CCDC30: variants seen among roughly 807,000 people sequenced by gnomAD.
CCDC30 encodes coiled-coil domain containing 30.
A neutral mutation model predicts 100.2 loss-of-function variants in CCDC30; 70 were observed. The ratio of observed to expected loss-of-function variants is 0.70; its 90% CI spans 0.58 to 0.85. The LOEUF is 0.85. Ranked by LOEUF, CCDC30 falls within the 40% of genes least tolerant of loss-of-function variation. The probability of loss-of-function intolerance (pLI) is 0.00; values close to 1 mark genes in which losing one functional copy is unlikely to be tolerated. For synonymous variants in CCDC30, 233 were observed against 269.5 expected, an observed-to-expected ratio of 0.86 and a Z score of 1.33; for missense variants, 652 against 771.2, an observed-to-expected ratio of 0.85 and a Z score of 1.83.
At chr1:42,487,583 C>CA (rs1268384588) in intron 3 of CCDC30, among the ~76,000 whole-genome samples, 4 of 152,054 alleles carry the variant, frequency 2.6e-5, no homozygotes, top group Non-Finnish European at 5.9e-5. Flanking sequence ...CATTTCCTGG[C>CA]AAAAGAGATT....
At chr1:42,460,009 T>G, upstream of CCDC30, 1 of 1,484,432 alleles carries the variant, frequency 6.7e-7, no homozygotes, top group South Asian at 1.4e-5. Flanking sequence ...GGCTTTCATA[T>G]GGACAGATAA....
chr1:42,622,611 C>A (rs372189100), intron 11 of CCDC30, among the ~76,000 whole-genome samples: 1 of 151,754 alleles, frequency 6.6e-6, no homozygotes. Flanking sequence ...GGATTACAGG[C>A]GTACTTATGC....
chr1:42,644,844 G>T (rs1486264896), intron 14 of CCDC30, 37 bp downstream of exon 18: 1 of 1,329,402 alleles, frequency 7.5e-7, no homozygotes, highest in Non-Finnish European at 1.1e-6. Context: ...TGCCTTTAAT[G>T]TGAAGTTCGG....
At chr1:42,488,162 A>T (rs377764508) in intron 3 of CCDC30, among the ~76,000 whole-genome samples, 6 of 151,686 alleles carry the variant, frequency 4.0e-5, no homozygotes, top group African/African-American at 1.5e-4. Flanking sequence ...TTTTTTTTTT[A>T]AATCGATGCT....
At chr1:42,621,951 T>TAAA (rs1385433446) in intron 11 of CCDC30, among the ~76,000 whole-genome samples, 1 of 152,174 alleles carries the variant, frequency 6.6e-6, no homozygotes. Flanking sequence ...CTGGTCTGTT[T>TAAA]CTTTAGTTAT....
At chr1:42,644,126 G>T (rs977203689) in intron 13 of CCDC30, among the ~76,000 whole-genome samples, 4 of 152,148 alleles carry the variant, frequency 2.6e-5, no homozygotes, top group Admixed American at 2.6e-4. Flanking sequence ...ATATGTATAT[G>T]TAAAGGAGAG....
chr1:42,492,747 AAGCAATTCTCTGCCTC>A (rs1557803149), intron 4 of CCDC30, among the ~76,000 whole-genome samples: 1 of 152,010 alleles, frequency 6.6e-6, no homozygotes, highest in Admixed American at 6.6e-5. Context: ...TCCTAGGTTC[AAGCAATTCTCTGCCTC>A]AGCCTCCCGA....
intron 6 of CCDC30, among the ~76,000 whole-genome samples, chr1:42,531,764 T>C (rs998980894): frequency 5.3e-5 from 8 of 152,134 alleles, no homozygotes; most frequent in African/African-American, 1.4e-4. Context: ...ACTATATATA[T>C]ATAAAATCTT....
At chr1:42,512,571 C>T (rs4622104) in intron 6 of CCDC30, among the ~76,000 whole-genome samples, 20,702 of 152,084 alleles carry the variant, frequency 0.14, 1,549 homozygotes, top group East Asian at 0.19. Flanking sequence ...TAAAACTTCC[C>T]GCATATTGCA....
intron 11 of CCDC30, among the ~76,000 whole-genome samples, chr1:42,621,925 G>C (rs1305948329): frequency 6.6e-6 from 1 of 152,180 alleles, no homozygotes; most frequent in African/African-American, 2.4e-5. Context: ...GGGATTACGG[G>C]TGTGAGCCAC....
chr1:42,483,445 A>G (rs1354534787), intron 3 of CCDC30, among the ~76,000 whole-genome samples: 1 of 152,220 alleles, frequency 6.6e-6, no homozygotes, highest in Non-Finnish European at 1.5e-5. Context: ...TTGGTCTTCC[A>G]AGGTAATTAT....
chr1:42,657,017 TGGA>T (rs1464251687), downstream of CCDC30, among the ~76,000 whole-genome samples: 1 of 152,170 alleles, frequency 6.6e-6, no homozygotes, highest in East Asian at 1.9e-4. Context: ...CTTTTTCAGT[TGGA>T]GGAGACCAAG....
At chr1:42,642,431 C>T in intron 12 of CCDC30, 42 bp from the exon 17 acceptor site, 2 of 1,412,496 alleles carry the variant, frequency 1.4e-6, no homozygotes, top group Non-Finnish European at 1.9e-6. Context: ...ATTTATCATA[C>T]TTTCTCCTGC....
intron 6 of CCDC30, among the ~76,000 whole-genome samples, chr1:42,529,370 G>A (rs1367505112): frequency 6.6e-6 from 1 of 152,164 alleles, no homozygotes; most frequent in Non-Finnish European, 1.5e-5. Flanking sequence ...TACTTGGGGG[G>A]CTGAGGCAGG....
intron 11 of CCDC30, among the ~76,000 whole-genome samples, chr1:42,624,735 T>G (rs1433558720): frequency 6.6e-6 from 1 of 152,212 alleles, no homozygotes; most frequent in Non-Finnish European, 1.5e-5. Flanking sequence ...TGCCTCAGCT[T>G]TCCAAAGTGT....
intron 12 of CCDC30, among the ~76,000 whole-genome samples, chr1:42,641,504 T>C (rs72661322): frequency 0.11 from 16,635 of 151,542 alleles, 1,013 homozygotes; most frequent in East Asian, 0.17. Flanking sequence ...TGAGCCATGA[T>C]TGTACCACTG....
rs1174027478 is a variant in CCDC30, at chr1:42,490,315, T to G, written c.241+86T>G. On this transcript the variant is annotated intron_variant, in intron 4 of 16. Transcript: ENST00000668663. ...CTGCAGTCCCAAAGACTTGGGAGGC[T>G]TGGGCCCAGGAGTTGGAGGTTGCAG... is the stretch of plus-strand genomic sequence containing the variant. The G allele has an allele frequency of 8.8e-6, 5 of 570,352 alleles. No individual in the cohort carries two copies. The African/African-American group carries it at 9.7e-5, about 11-fold the overall frequency. 35.3% of individuals were successfully genotyped at this position (570,352 alleles called of 1,614,324 possible).
chr1:42,543,384 C>G (rs532596148), intron 6 of CCDC30, among the ~76,000 whole-genome samples: 117 of 151,966 alleles, frequency 7.7e-4, no homozygotes, highest in Non-Finnish European at 1.5e-3. Context: ...TGCTGTGGCA[C>G]GATCTTGGCT....
intron 7 of CCDC30, among the ~76,000 whole-genome samples, chr1:42,576,435 A>G (rs1019459318): frequency 2.0e-5 from 3 of 152,224 alleles, no homozygotes; most frequent in Non-Finnish European, 4.4e-5. Context: ...AGACAGAGAA[A>G]AAAAGACTTT....
Sources: gnomAD v4.1 joint callset for allele counts (sites outside exome capture counted in the v4.1 genomes callset) on GRCh38, gnomAD v4.1.1 for gene constraint, MANE v1.5 for transcripts, NCBI Gene and HGNC (gene_info 2026-07-23, HGNC 2026-07-21) for gene names.